Variants in PEX19 observed in about 807,000 individuals in gnomAD.
The protein encoded by PEX19 is peroxisomal biogenesis factor 19, also known as 33 kDa housekeeping protein.
Under a neutral mutation model 36.3 loss-of-function variants are expected in PEX19, and 29 were observed. That is an observed-to-expected ratio of 0.80 (90% CI 0.60 to 1.09). The LOEUF is 1.09. Among genes scored for constraint, PEX19 ranks in the 50% least tolerant of loss-of-function variants. The probability of loss-of-function intolerance (pLI) is 0.00; values close to 1 mark genes in which losing one functional copy is unlikely to be tolerated. For missense variants in PEX19, 396 were observed against 368.1 expected, an observed-to-expected ratio of 1.08 and a Z score of -0.62; for synonymous variants, 141 against 135.2, an observed-to-expected ratio of 1.04 and a Z score of -0.30.
chr1:160,283,802 GCCT>G (rs1204142900), intron 1 of PEX19, among the ~76,000 whole-genome samples, 163 bp from the exon 2 acceptor site: 1 of 152,146 alleles, frequency 6.6e-6, no homozygotes, highest in East Asian at 1.9e-4. Context: ...CCCTCAATGA[GCCT>G]CCTACTTCCT....
At chr1:160,280,372 G>C (rs1657723646) in intron 5 of PEX19, 126 bp from the exon 6 acceptor site, 1 of 895,722 alleles carries the variant, frequency 1.1e-6, no homozygotes, top group African/African-American at 1.6e-5. Flanking sequence ...AAATAAGTAA[G>C]TTCATCATGA....
At chr1:160,285,012 T>C in intron 1 of PEX19, 43 bp downstream of exon 1, 1 of 1,427,164 alleles carries the variant, frequency 7.0e-7, no homozygotes, top group Non-Finnish European at 9.9e-7. Flanking sequence ...GAATGGGTCC[T>C]CACACGTGCC....
Position 160,277,327 on chromosome 1 carries a change from C to T in PEX19, c.*2224G>A, listed in dbSNP as rs573966291. 1 of 456,078 alleles carries T rather than the reference C, an allele frequency of 2.2e-6. No individual in the cohort carries two copies. Among genetic ancestry groups the T allele is most frequent in the Non-Finnish European group, 4.4e-6 (1 of 226,806 alleles). The allele number at this position is 456,078 out of a possible 1,614,324, so 28.3% of individuals were successfully genotyped here. The stretch of plus-strand genomic sequence containing the variant: ...CAATGGACTTAACCTACAGAACAGT[C>T]TGGCCAGTTTGGGTGCTGTCAAACT... On this transcript the variant is annotated 3_prime_UTR_variant, in exon 8 of 8. Transcript: ENST00000368072.
chr1:160,285,101 A>G lies in PEX19; in HGVS notation c.24T>C (p.Cys8=). The G allele has an allele frequency of 6.2e-7, 1 of 1,613,918 alleles. No individual in the cohort carries two copies. The highest frequency in any genetic ancestry group is 1.3e-5 in the African/African-American group (1 of 74,994). The change falls in exon 1 of 8, where the codon TGT becomes TGC. Residue 8 remains cysteine (C), a synonymous_variant. Transcript: ENST00000368072. MAAAEEG[C]SVGAEADREL... ...CCCTGTCCGCTTCGGCCCCGACACT[A>G]CAGCCTTCCTCAGCGGCGGCCATCT... is the stretch of plus-strand genomic sequence containing the variant.
chr1:160,281,320 C>G lies in PEX19; in HGVS notation c.594+719G>C, dbSNP rs1426198980. 4 of 152,610 alleles carry G rather than the reference C, an allele frequency of 2.6e-5. 1 individual carries two copies. The highest frequency in any genetic ancestry group is 9.6e-5 in the African/African-American group (4 of 41,452). 9.5% of individuals were successfully genotyped at this position (152,610 alleles called of 1,614,324 possible). On this transcript the variant is annotated intron_variant, in intron 5 of 7. Transcript: ENST00000368072. Reference sequence around the variant, plus strand: ...CCTGTCTCAAAACAAAATGATACAACCACACATATAAGCTCTTTTATGGCA... The same window carrying G: ...CCTGTCTCAAAACAAAATGATACAAGCACACATATAAGCTCTTTTATGGCA...
chr1:160,283,585 G>C lies in PEX19; in HGVS notation c.125C>G (p.Thr42Ser). Residue 42 changes from threonine to serine, a missense_variant, in exon 2 of 8, where the codon ACC becomes AGC. Physicochemically the swap from Thr to Ser is moderately conservative, Grantham distance 58. Transcript: ENST00000368072. ...GGGCCCCGAAGCATCAGGGGCCGTGGTGGTAGAAGGGGGTGCTGGGGAGGG... is the reference window on the plus strand; with the variant it reads ...GGGCCCCGAAGCATCAGGGGCCGTGCTGGTAGAAGGGGGTGCTGGGGAGGG... ...AKPSPAPPST[T>S]TAPDASGPQK... 6.2e-7 allele frequency: 1 copy of C among 1,614,144 alleles called. No individual in the cohort carries two copies. Among genetic ancestry groups the C allele is most frequent in the Non-Finnish European group, 8.5e-7 (1 of 1,179,998 alleles).
At chr1:160,284,141 G>A (rs1246976276) in intron 1 of PEX19, 1 of 471,812 alleles carries the variant, frequency 2.1e-6, no homozygotes, top group African/African-American at 2.0e-5. Context: ...CAGACTCCAT[G>A]GTACGGCATT....
chr1:160,284,996 C>A, intron 1 of PEX19, 59 bp downstream of exon 1: 2 of 1,226,062 alleles, frequency 1.6e-6, no homozygotes, highest in East Asian at 2.3e-5. Flanking sequence ...GTTCACTTAA[C>A]CCCCAGAATG....
chr1:160,284,271 G>A (rs1363984616), intron 1 of PEX19: 1 of 432,338 alleles, frequency 2.3e-6, no homozygotes, highest in Non-Finnish European at 4.8e-6. Flanking sequence ...ACTCCTCAGG[G>A]TTTCTGTTCA....
rs925600587 is a variant in PEX19 at position 160,277,937 on chromosome 1, G to A, written c.*1614C>T. 2.2e-5 allele frequency: 15 copies of A among 691,900 alleles called. No individual in the cohort carries two copies. Among genetic ancestry groups the A allele is most frequent in the African/African-American group, 2.1e-4 (12 of 56,990 alleles). The allele number at this position is 691,900 out of a possible 1,614,324, so 42.9% of individuals were successfully genotyped here. A position where few individuals can be genotyped will look rare whatever the true frequency, so the allele number is the denominator to read the frequency against. On this transcript the variant is annotated 3_prime_UTR_variant, in exon 8 of 8. Transcript: ENST00000368072. ...GGAGTTGGAATTTCCCAAATAGCCT[G>A]AGACCTTGAGAACATTTCCTTCCTC... is the stretch of plus-strand genomic sequence containing the variant.
intron 5 of PEX19, among the ~76,000 whole-genome samples, chr1:160,281,453 G>A (rs1657767254): frequency 1.3e-5 from 2 of 152,182 alleles, no homozygotes; most frequent in South Asian, 4.1e-4. Context: ...CTGTCACCCA[G>A]GCCGGAGTAC....
intron 5 of PEX19, among the ~76,000 whole-genome samples, 157 bp from the exon 6 acceptor site, chr1:160,280,403 C>G (rs918915410): frequency 2.0e-5 from 3 of 152,186 alleles, no homozygotes; most frequent in African/African-American, 7.2e-5. Flanking sequence ...TGACTCCAAC[C>G]AGATCACCTG....
At chr1:160,283,774 C>T (rs1280282294) in intron 1 of PEX19, 135 bp from the exon 2 acceptor site, 10 of 721,438 alleles carry the variant, frequency 1.4e-5, no homozygotes, top group African/African-American at 1.0e-4. Context: ...TCCTTGAGTC[C>T]CCCACCTCCC....
intron 5 of PEX19, 114 bp downstream of exon 5, chr1:160,281,925 G>GA: frequency 6.7e-6 from 6 of 895,628 alleles, no homozygotes; most frequent in South Asian, 4.2e-5. Flanking sequence ...AATAAAGAAG[G>GA]AAAAAAAGCA....
intron 5 of PEX19, 118 bp downstream of exon 5, chr1:160,281,921 G>T: frequency 1.2e-6 from 1 of 850,218 alleles, no homozygotes. Flanking sequence ...AATAAATAAA[G>T]AAGGAAAAAA....
chr1:160,282,325 G>T, intron 4 of PEX19, 92 bp downstream of exon 4: 1 of 1,407,546 alleles, frequency 7.1e-7, no homozygotes, highest in Non-Finnish European at 1.0e-6. Flanking sequence ...CAACAGACTT[G>T]GGATGATACT....
At position 160,282,506 on chromosome 1, in the gene PEX19, G is replaced by C. The variant is rs764383270; in HGVS notation, c.347-4C>G. The C allele has an allele frequency of 6.2e-7, 1 of 1,611,516 alleles. No homozygotes were observed. The highest frequency in any genetic ancestry group is 8.5e-7 in the Non-Finnish European group (1 of 1,177,618). On this transcript the variant is annotated splice_region_variant and splice_polypyrimidine_tract_variant and intron_variant, in intron 3 of 7. Transcript: ENST00000368072. Reference sequence around the variant, plus strand: ...TGTTGGGAGGTCATATCACTGCCTAGGAGAGATTAAAAAAGCCAGCGTCAT... The same window carrying C: ...TGTTGGGAGGTCATATCACTGCCTACGAGAGATTAAAAAAGCCAGCGTCAT...
chr1:160,282,141 T>C lies in PEX19; in HGVS notation c.492A>G (p.Glu164=), dbSNP rs1284055751. The part of the protein sequence containing the change: ...TKAMEGLGMD[E]GDGEGNILPI... The stretch of plus-strand genomic sequence containing the variant: ...GGAGGATGTTCCCTTCCCCATCCCC[T>C]TCGTCCATGCCTAGCCCCTCCATGG... The change falls in exon 5 of 8, where the codon GAA becomes GAG. Residue 164 remains glutamate, a synonymous_variant. Coordinates refer to ENST00000368072, the MANE Select transcript of PEX19 (RefSeq NM_002857.4). The C allele has an allele frequency of 6.2e-7, 1 of 1,614,122 alleles. No individual in the cohort carries two copies. Among genetic ancestry groups the C allele is most frequent in the Non-Finnish European group, 8.5e-7 (1 of 1,179,952 alleles).
rs987846985 is a variant in PEX19, at chr1:160,276,919, A to T, written c.*2632T>A. On this transcript the variant is annotated 3_prime_UTR_variant, in exon 8 of 8. Transcript: ENST00000368072. ...TTGGAACAAAGGAGCAACTCCTTTA[A>T]AGTTTGAGAGTCGCATAAATATTTC... 1 of 450,132 alleles carries T rather than the reference A, an allele frequency of 2.2e-6. No individual in the cohort carries two copies. Among genetic ancestry groups the T allele is most frequent in the African/African-American group, 2.0e-5 (1 of 49,848 alleles). 27.9% of individuals were successfully genotyped at this position (450,132 alleles called of 1,614,324 possible).
Sources: gnomAD v4.1 joint callset for allele counts (sites outside exome capture counted in the v4.1 genomes callset) on GRCh38, gnomAD v4.1.1 for gene constraint, MANE v1.5 for transcripts, NCBI Gene and HGNC (gene_info 2026-07-23, HGNC 2026-07-21) for gene names.